The following SPG11 variants were observed in gnomAD, a reference collection of about 807,000 sequenced individuals.
The protein encoded by SPG11 is spatacsin.
SPG11 carries 222 observed loss-of-function variants against 274.0 expected under a neutral mutation model. The observed-to-expected ratio is 0.81, with a 90% CI of 0.73 to 0.91. The LOEUF (loss-of-function observed/expected upper bound fraction) is 0.91, where lower values mean the gene tolerates loss of function less well. Among genes scored for constraint, SPG11 ranks in the 40% least tolerant of loss-of-function variants. SPG11 has a pLI of 0.00. For synonymous variants in SPG11, 1,144 were observed against 1,039.7 expected, an observed-to-expected ratio of 1.10 and a Z score of -1.93; for missense variants, 3,114 against 2,872.7, an observed-to-expected ratio of 1.08 and a Z score of -1.92.
intron 31 of SPG11, among the ~76,000 whole-genome samples, chr15:44,574,470 C>T (rs2082492020): frequency 6.6e-6 from 1 of 152,162 alleles, no homozygotes; most frequent in Non-Finnish European, 1.5e-5. Context: ...CTTCTACTTC[C>T]AGTCTACTGT....
At chr15:44,618,595 A>AACACGAG (rs2083655709) in intron 15 of SPG11, among the ~76,000 whole-genome samples, 1 of 151,640 alleles carries the variant, frequency 6.6e-6, no homozygotes, top group Non-Finnish European at 1.5e-5. Flanking sequence ...AGGCGGGCAG[A>AACACGAG]ACACGAGGTC....
chr15:44,637,070 C>T (rs1282518350), intron 7 of SPG11, among the ~76,000 whole-genome samples: 2 of 146,640 alleles, frequency 1.4e-5, no homozygotes, highest in South Asian at 2.3e-4. Flanking sequence ...TACAAATTTT[C>T]AAAATCACAC....
At chr15:44,583,479 C>A (rs1595841903) in intron 30 of SPG11, among the ~76,000 whole-genome samples, 5 of 151,802 alleles carry the variant, frequency 3.3e-5, no homozygotes, top group South Asian at 4.2e-4. Context: ...AAACAAAAAA[C>A]CAAAAAGAAA....
rs1172232127 is a variant in SPG11 at position 44,572,826 on chromosome 15, CAG to C, written c.6206-8_6206-7del. 1 of 1,613,738 alleles carries C rather than the reference CAG, an allele frequency of 6.2e-7. No individual in the cohort carries two copies. Among genetic ancestry groups the C allele is most frequent in the Admixed American group, 1.7e-5 (1 of 59,958 alleles). ...GTTGAACATCTGCTTATGTCCTGTA[CAG>C]AGAGGTGTGAAGACAGGTGCTGGTT... On this transcript the variant is annotated splice_region_variant and splice_polypyrimidine_tract_variant and intron_variant, in intron 32 of 39. Transcript: ENST00000261866.
At chr15:44,641,020 A>G (rs71478339) in intron 7 of SPG11, among the ~76,000 whole-genome samples, 2,306 of 152,184 alleles carry the variant, frequency 0.015, 59 homozygotes, top group Non-Finnish European at 0.017. Flanking sequence ...GAGCCACCGC[A>G]CCCAGCCAGG....
chr15:44,591,831 C>T (rs566321628), intron 27 of SPG11, among the ~76,000 whole-genome samples: 71 of 152,062 alleles, frequency 4.7e-4, no homozygotes, highest in Admixed American at 4.1e-3. Flanking sequence ...TAAAAATGAT[C>T]GGGTGCAGTG....
At position 44,626,368 on chromosome 15, in the gene SPG11, T is replaced by C; in HGVS notation, c.2207A>G (p.Asn736Ser). 6.2e-7 allele frequency: 1 copy of C among 1,613,454 alleles called. No homozygotes were observed. The highest frequency in any genetic ancestry group is 1.3e-5 in the African/African-American group (1 of 75,028). Reference protein sequence around the residue: ...LNLVFDNLKKNNIKEASELLK... With the variant: ...LNLVFDNLKKSNIKEASELLK... ...AAGTTCAGAGGCTTCCTTTATATTGTTCTTTTTTAAATTGTCAAAGACCAA... is the reference window on the plus strand; with the variant it reads ...AAGTTCAGAGGCTTCCTTTATATTGCTCTTTTTTAAATTGTCAAAGACCAA... The change falls in exon 11 of 40, where the codon AAC becomes AGC. Residue 736 changes from asparagine (N) to serine (S), a missense_variant. By Grantham distance (46) the Asn-to-Ser change is conservative (BLOSUM62 1). Coordinates refer to ENST00000261866, the MANE Select transcript of SPG11 (RefSeq NM_025137.4).
intron 8 of SPG11, among the ~76,000 whole-genome samples, chr15:44,630,932 GA>G (rs1159857278): frequency 1.3e-5 from 2 of 151,238 alleles, no homozygotes; most frequent in African/African-American, 4.8e-5. Context: ...GATTTAGGAA[GA>G]AAAAAAAGAA....
intron 26 of SPG11, 57 bp downstream of exon 26, chr15:44,595,202 G>A (rs1449181759): frequency 6.6e-6 from 10 of 1,524,556 alleles, no homozygotes; most frequent in South Asian, 1.1e-5. Flanking sequence ...AAGCCAAGAA[G>A]GGATATGCTG....
chr15:44,640,918 C>T (rs1196572880), intron 7 of SPG11, among the ~76,000 whole-genome samples: 8 of 152,012 alleles, frequency 5.3e-5, no homozygotes, highest in African/African-American at 1.7e-4. Flanking sequence ...TTAGTAGAGA[C>T]GGGGTTTCAC....
chr15:44,619,495 T>C (rs1393787729), intron 15 of SPG11, among the ~76,000 whole-genome samples: 4 of 152,202 alleles, frequency 2.6e-5, no homozygotes, highest in Non-Finnish European at 5.9e-5. Flanking sequence ...TATTTCTTAA[T>C]TCAGCAGTTC....
At chr15:44,613,130 A>G (rs2083501958) in intron 17 of SPG11, among the ~76,000 whole-genome samples, 1 of 152,188 alleles carries the variant, frequency 6.6e-6, no homozygotes, top group Non-Finnish European at 1.5e-5. Context: ...TCTACCAGAG[A>G]GCAGGAATTC....
Position 44,585,724 on chromosome 15 carries a change from T to C in SPG11, c.5033A>G (p.Glu1678Gly), listed in dbSNP as rs769579150. The stretch of plus-strand genomic sequence containing the variant: ...GAATTGTCCATCTGTCTGCAGTCTT[T>C]CCAAAATAGATCTACATTCATGCTG... The part of the protein sequence containing the change: ...NLQHECRSIL[E>G]RLQTDGQFAL... The change falls in exon 29 of 40, where the codon GAA becomes GGA. Residue 1678 changes from glutamate to glycine, a missense_variant. By Grantham distance (98) the Glu-to-Gly change is moderately conservative. Coordinates refer to ENST00000261866, the MANE Select transcript of SPG11 (RefSeq NM_025137.4). 1.2e-6 allele frequency: 2 copies of C among 1,613,740 alleles called. No homozygotes were observed. Among genetic ancestry groups the C allele is most frequent in the African/African-American group, 1.3e-5 (1 of 74,828 alleles).
At chr15:44,642,791 G>A (rs2084492971) in intron 7 of SPG11, among the ~76,000 whole-genome samples, 1 of 151,888 alleles carries the variant, frequency 6.6e-6, no homozygotes, top group African/African-American at 2.4e-5. Context: ...GATCACTTGA[G>A]CCCAGGAATT....
At chr15:44,623,868 C>A (rs1212778009) in intron 11 of SPG11, among the ~76,000 whole-genome samples, 1 of 152,012 alleles carries the variant, frequency 6.6e-6, no homozygotes, top group Non-Finnish European at 1.5e-5. Context: ...TCAAATGATT[C>A]TTGTGCCTCA....
In SPG11 at chr15:44,585,621, A is replaced by G. The variant is rs1567139953; in HGVS notation, c.5121+15T>C. On this transcript the variant is annotated intron_variant, in intron 29 of 39. Transcript: ENST00000261866. Reference sequence around the variant, plus strand: ...CGTATCTAAAAAAAAAAAAAAAAAAAAAGACCGATGATACCTCTTTAATAA... The same window carrying G: ...CGTATCTAAAAAAAAAAAAAAAAAAGAAGACCGATGATACCTCTTTAATAA... The G allele has an allele frequency of 1.3e-6, 2 of 1,595,376 alleles. No individual in the cohort carries two copies. Among genetic ancestry groups the G allele is most frequent in the Non-Finnish European group, 1.7e-6 (2 of 1,167,338 alleles).
intron 15 of SPG11, among the ~76,000 whole-genome samples, chr15:44,616,104 T>A (rs1323491640): frequency 6.6e-6 from 1 of 152,106 alleles, no homozygotes; most frequent in African/African-American, 2.4e-5. Context: ...CTAACCTAAT[T>A]ATAGAACATT....
Position 44,608,538 on chromosome 15 carries a change from A to T in SPG11, c.3359T>A (p.Leu1120Ter). ...KVDPQLLKMA[L>*]TPYPKLKTAL... ...AGTTTTTAGCTTGGGGTAAGGAGTT[A>T]ATGCCATCTTCAATAGCTGGGGATC... is the stretch of plus-strand genomic sequence containing the variant. The change falls in exon 19 of 40, where the codon TTA becomes TAA. Residue 1120 changes from leucine to a stop codon, truncating the protein, a stop_gained. Coordinates refer to ENST00000261866, the MANE Select transcript of SPG11 (RefSeq NM_025137.4). LOFTEE classifies it high-confidence loss of function. 6.2e-7 allele frequency: 1 copy of T among 1,614,110 alleles called. No homozygotes were observed.
Position 44,660,621 on chromosome 15 carries a change from G to C in SPG11, c.258-5C>G. ...CGAGAATCCTCCCATAGAAAGCTAA[G>C]AAAAAAAGTTTAGATTTATTATATT... On this transcript the variant is annotated splice_polypyrimidine_tract_variant and splice_region_variant and intron_variant, in intron 1 of 39. Coordinates refer to ENST00000261866, the MANE Select transcript of SPG11 (RefSeq NM_025137.4). 1 of 1,613,764 alleles carries C rather than the reference G, an allele frequency of 6.2e-7. No individual in the cohort carries two copies. The highest frequency in any genetic ancestry group is 8.5e-7 in the Non-Finnish European group (1 of 1,179,830).
Sources: gnomAD v4.1 joint callset for allele counts (sites outside exome capture counted in the v4.1 genomes callset) on GRCh38, gnomAD v4.1.1 for gene constraint, MANE v1.5 for transcripts, NCBI Gene and HGNC (gene_info 2026-07-23, HGNC 2026-07-21) for gene names.